HDAC9: variants seen among roughly 807,000 people sequenced by gnomAD.
The protein encoded by HDAC9 is MEF-2 interacting transcription repressor (MITR) protein.
Under a neutral mutation model 139.4 loss-of-function variants are expected in HDAC9, and 41 were observed. The observed-to-expected ratio is 0.29, with a 90% CI of 0.23 to 0.38. The LOEUF (loss-of-function observed/expected upper bound fraction) is 0.38. Among genes scored for constraint, HDAC9 ranks in the 10% least tolerant of loss-of-function variants. The pLI, the probability that HDAC9 is intolerant of heterozygous loss-of-function variation, is 1.00. For missense variants in HDAC9, 1,147 were observed against 1,297.0 expected (o/e 0.88, Z 1.78); for synonymous variants, 517 against 476.2 (o/e 1.09, Z -1.12).
chr7:18,727,785 T>C (rs771332905), intron 13 of HDAC9, 28 bp downstream of exon 13: 5 of 1,445,386 alleles, frequency 3.5e-6, no homozygotes, highest in Middle Eastern at 1.8e-4. Context: ...CTCTCTCTAA[T>C]AGGCAGGCTA....
chr7:18,193,288 A>G (rs566396619), intron 2 of HDAC9, among the ~76,000 whole-genome samples: 34 of 152,334 alleles, frequency 2.2e-4, no homozygotes, highest in African/African-American at 7.9e-4. Flanking sequence ...CATTTCATCA[A>G]TAGATACAAC....
intron 2 of HDAC9, chr7:18,162,426 A>G (rs755202396): frequency 2.2e-6 from 3 of 1,337,628 alleles, no homozygotes; most frequent in Non-Finnish European, 1.0e-6. Context: ...AAACCAAGTA[A>G]TTTAATTTAT....
intron 17 of HDAC9, among the ~76,000 whole-genome samples, chr7:18,818,455 C>G (rs2588609): frequency 0.03 from 4,515 of 152,220 alleles, 210 homozygotes; most frequent in African/African-American, 0.097. Flanking sequence ...ATTTGATCAA[C>G]TACTTTCAAC....
intron 2 of HDAC9, among the ~76,000 whole-genome samples, chr7:18,270,538 A>G (rs1228473052): frequency 6.6e-6 from 1 of 152,194 alleles, no homozygotes; most frequent in Admixed American, 6.5e-5. Flanking sequence ...CTACCTTCAT[A>G]AAACAGGTTG....
At chr7:18,564,747 A>G (rs983788478) in intron 2 of HDAC9, among the ~76,000 whole-genome samples, 7 of 152,056 alleles carry the variant, frequency 4.6e-5, no homozygotes, top group Non-Finnish European at 1.0e-4. Flanking sequence ...TTATTGAAAC[A>G]CTATTCAAAG....
At chr7:18,558,533 T>A (rs1819582221) in intron 2 of HDAC9, among the ~76,000 whole-genome samples, 1 of 152,166 alleles carries the variant, frequency 6.6e-6, no homozygotes, top group South Asian at 2.1e-4. Flanking sequence ...GTTCTGATAA[T>A]GCTTGGTTCT....
chr7:18,133,573 A>T (rs1027554549), intron 1 of HDAC9, among the ~76,000 whole-genome samples: 4 of 152,152 alleles, frequency 2.6e-5, no homozygotes, highest in African/African-American at 9.7e-5. Context: ...TATAGGATGC[A>T]CATGTTATTC....
At chr7:18,932,210 G>A (rs1171284432) in intron 22 of HDAC9, among the ~76,000 whole-genome samples, 1 of 151,964 alleles carries the variant, frequency 6.6e-6, no homozygotes, top group East Asian at 1.9e-4. Context: ...AGTTCACAAA[G>A]CATATAAAAA....
At chr7:18,565,973 A>C (rs1822210529) in intron 2 of HDAC9, among the ~76,000 whole-genome samples, 2 of 152,084 alleles carry the variant, frequency 1.3e-5, no homozygotes, top group Non-Finnish European at 2.9e-5. Flanking sequence ...ATTTCATAGG[A>C]TCAGAATAAT....
rs1411920964 is a variant in HDAC9, at chr7:18,448,624, A to G, written c.-41-47638A>G. 3.3e-5 allele frequency among the ~76,000 whole-genome samples: 5 copies of G among 152,152 alleles called. No homozygotes were observed. The East Asian group carries it at 7.7e-4, about 23-fold the overall frequency. On this transcript the variant is annotated intron_variant, in intron 1 of 3. Transcript: ENST00000413509. ...TTAAATATTCCACTTTTGAAAATGG[A>G]CCCATTCCATCAGTTTCCTTTTTGG...
At chr7:18,564,988 T>C (rs1270740288) in intron 2 of HDAC9, among the ~76,000 whole-genome samples, 1 of 150,224 alleles carries the variant, frequency 6.7e-6, no homozygotes, top group African/African-American at 2.4e-5. Flanking sequence ...TATTTATTTA[T>C]TTATTTATTT....
At chr7:18,291,451 A>G (rs563715936) in intron 1 of HDAC9, among the ~76,000 whole-genome samples, 2 of 152,220 alleles carry the variant, frequency 1.3e-5, no homozygotes, top group South Asian at 4.1e-4. Context: ...TCTCCTGAGC[A>G]TGAGGGATGA....
chr7:18,976,647 G>A (rs1410213914), intron 25 of HDAC9, among the ~76,000 whole-genome samples: 9 of 152,182 alleles, frequency 5.9e-5, no homozygotes, highest in Non-Finnish European at 1.3e-4. Flanking sequence ...AGGAATGTTT[G>A]TCAGTTTGTG....
chr7:18,545,151 C>A (rs1814357402), intron 2 of HDAC9, among the ~76,000 whole-genome samples: 1 of 152,134 alleles, frequency 6.6e-6, no homozygotes, highest in African/African-American at 2.4e-5. Flanking sequence ...CTTAGACACC[C>A]CAGGGTGGAC....
chr7:18,977,644 C>A (rs1784627614), intron 25 of HDAC9, among the ~76,000 whole-genome samples: 1 of 152,062 alleles, frequency 6.6e-6, no homozygotes, highest in South Asian at 2.1e-4. Context: ...TTTTAAGCTT[C>A]ATCTGATGGC....
intron 12 of HDAC9, among the ~76,000 whole-genome samples, chr7:18,690,122 G>T (rs868328349): frequency 4.6e-5 from 7 of 151,936 alleles, no homozygotes; most frequent in Non-Finnish European, 1.5e-5. Context: ...GCATATTGCT[G>T]CTTGTCTCTC....
chr7:18,532,650 C>T (rs1268731819), intron 2 of HDAC9, among the ~76,000 whole-genome samples: 3 of 151,986 alleles, frequency 2.0e-5, no homozygotes, highest in South Asian at 2.1e-4. Flanking sequence ...ATTATCAAAA[C>T]GTTATATATT....
At chr7:18,717,431 C>CTTTT (rs59746761) in intron 12 of HDAC9, among the ~76,000 whole-genome samples, 2 of 137,254 alleles carry the variant, frequency 1.5e-5, no homozygotes, top group African/African-American at 5.6e-5. Flanking sequence ...TTACAATTTC[C>CTTTT]TTTTTTTTTT....
At chr7:18,665,741 A>C (rs1794666343) in intron 11 of HDAC9, among the ~76,000 whole-genome samples, 1 of 152,070 alleles carries the variant, frequency 6.6e-6, no homozygotes, top group Non-Finnish European at 1.5e-5. Context: ...CAAGAAAATT[A>C]GACAAAGACT....
Sources: gnomAD v4.1 joint callset for allele counts (sites outside exome capture counted in the v4.1 genomes callset) on GRCh38, gnomAD v4.1.1 for gene constraint, MANE v1.5 for transcripts, NCBI Gene and HGNC (gene_info 2026-07-23, HGNC 2026-07-21) for gene names.